RNF213: variants seen among roughly 807,000 people sequenced by gnomAD.
RNF213 encodes ring finger protein 213, also known as E3 ubiquitin-protein ligase RNF213.
A neutral mutation model predicts 514.4 loss-of-function variants in RNF213; 341 were observed. That is an observed-to-expected ratio of 0.66 (90% CI 0.61 to 0.73). The LOEUF is 0.73. Ranked by LOEUF, RNF213 falls within the 30% of genes least tolerant of loss-of-function variation. The probability of loss-of-function intolerance (pLI) is 0.00; values close to 1 mark genes in which losing one functional copy is unlikely to be tolerated. For missense variants in RNF213, 5,767 were observed against 6,615.6 expected (o/e 0.87, Z 4.45); for synonymous variants, 2,655 against 2,658.2 (o/e 1.00, Z 0.04).
At chr17:80,318,863 G>A (rs189487651) in intron 16 of RNF213, among the ~76,000 whole-genome samples, 1,825 of 152,316 alleles carry the variant, frequency 0.012, 20 homozygotes, top group Non-Finnish European at 0.016. Context: ...GTGAGCCACC[G>A]CGCCCGGCCT....
chr17:80,372,504 TGTTC>T lies in RNF213; in HGVS notation c.12538-16_12538-13del, dbSNP rs751345254. The T allele has an allele frequency of 6.9e-6, 11 of 1,589,132 alleles. No homozygotes were observed. The highest frequency in any genetic ancestry group is 9.5e-6 in the Non-Finnish European group (11 of 1,159,042). The stretch of plus-strand genomic sequence containing the variant: ...AAAAAAATAATATCCTTTTCTTTCT[TGTTC>T]CTTGTTCCTCAGGATTCAATACTTG... On this transcript the variant is annotated splice_polypyrimidine_tract_variant and intron_variant, in intron 47 of 67. Coordinates refer to ENST00000582970, the MANE Select transcript of RNF213 (RefSeq NM_001256071.3).
chr17:80,337,766 T>G, intron 24 of RNF213, 40 bp downstream of exon 24: 1 of 1,537,096 alleles, frequency 6.5e-7, no homozygotes, highest in Non-Finnish European at 8.7e-7. Context: ...GCGGCCCTTC[T>G]GCAGGCTGCT....
At chr17:80,268,378 A>AAG (rs1451579086) in intron 2 of RNF213, among the ~76,000 whole-genome samples, 3 of 102,552 alleles carry the variant, frequency 2.9e-5, no homozygotes, top group Non-Finnish European at 6.1e-5. Flanking sequence ...AAAAAAAAAA[A>AAG]AGGCAGTACT....
intron 42 of RNF213, among the ~76,000 whole-genome samples, chr17:80,366,534 C>T (rs79544074): frequency 8.2e-4 from 125 of 152,200 alleles, no homozygotes; most frequent in African/African-American, 2.9e-3. Context: ...GCTGTCTTCT[C>T]TGGAGAAATG....
rs745332162 is a variant in RNF213 at position 80,385,669 on chromosome 17, T to C, written c.14539+48T>C. 2.7e-6 allele frequency: 4 copies of C among 1,505,790 alleles called. No individual in the cohort carries two copies. In the Admixed American group the frequency reaches 6.8e-5, roughly 25 times the overall value. 93.3% of individuals were successfully genotyped at this position (1,505,790 alleles called of 1,614,324 possible). Reference sequence around the variant, plus strand: ...CACTAAGCGTTCCAGGAGAGCCTCGTCTGAAAGCTCTTCTCGTCAGCCTGA... The same window carrying C: ...CACTAAGCGTTCCAGGAGAGCCTCGCCTGAAAGCTCTTCTCGTCAGCCTGA... On this transcript the variant is annotated intron_variant, in intron 61 of 67. Transcript: ENST00000582970.
rs749780384 is a variant in RNF213 at position 80,291,676 on chromosome 17, C to T, written c.1320C>T (p.Ser440=). Residue 440 remains serine (S), a synonymous_variant, in exon 8 of 68, where the codon TCC becomes TCT. Transcript: ENST00000582970. ...TTGTTGAAGGCATTGTCTGCATTTC[C>T]AAGAAGCACCTAGATAAATACATTC... ...RVLVEGIVCI[S]KKHLDKYIPY... 7 of 1,614,068 alleles carry T rather than the reference C, an allele frequency of 4.3e-6. No individual in the cohort carries two copies. The African/African-American group carries it at 8.0e-5, about 18-fold the overall frequency.
chr17:80,349,467 T>C (rs765334870), intron 29 of RNF213, among the ~76,000 whole-genome samples: 14 of 152,208 alleles, frequency 9.2e-5, no homozygotes, highest in Non-Finnish European at 1.8e-4. Context: ...TGCTGAGCCC[T>C]AAGGGATCAT....
In RNF213 at chr17:80,312,691, C is replaced by T. The variant is rs1368642995; in HGVS notation, c.2656-321C>T. ...GCCCCTCTCTGGGGCGTGCTTTTCC[C>T]CCTCAGTCTCCTGGGCACAGCCTGG... On this transcript the variant is annotated intron_variant, in intron 14 of 67. Transcript: ENST00000582970. Among the ~76,000 whole-genome samples the T allele has an allele frequency of 2.0e-5, 3 of 152,354 alleles. No individual in the cohort carries two copies. The East Asian group carries it at 5.8e-4, about 29-fold the overall frequency.
intron 44 of RNF213, among the ~76,000 whole-genome samples, chr17:80,368,679 C>T (rs1453327167): frequency 6.6e-6 from 1 of 152,146 alleles, no homozygotes; most frequent in Non-Finnish European, 1.5e-5. Context: ...GTGATCCACC[C>T]GCCTTGGCCT....
intron 2 of RNF213, among the ~76,000 whole-genome samples, chr17:80,267,760 A>G (rs2043657328): frequency 6.6e-6 from 1 of 152,076 alleles, no homozygotes; most frequent in African/African-American, 2.4e-5. Context: ...AGCTGCAGTA[A>G]GTTCTCCAGA....
In RNF213 at chr17:80,387,088, G is replaced by A. The variant is rs562503946; in HGVS notation, c.14922+197G>A. 1.1e-4 allele frequency among the ~76,000 whole-genome samples: 16 copies of A among 152,350 alleles called. No individual in the cohort carries two copies. In the South Asian group the frequency reaches 3.1e-3, roughly 30 times the overall value. On this transcript the variant is annotated intron_variant, in intron 63 of 67. Coordinates refer to ENST00000582970, the MANE Select transcript of RNF213 (RefSeq NM_001256071.3). Reference sequence around the variant, plus strand: ...GCAGGGCTCTCCTGAGCCCTCTCCTGCAGGGCCATCTGCACCTCAGTCCCC... The same window carrying A: ...GCAGGGCTCTCCTGAGCCCTCTCCTACAGGGCCATCTGCACCTCAGTCCCC...
chr17:80,316,139 C>T (rs1252546538), intron 15 of RNF213: 1 of 152,162 alleles, frequency 6.6e-6, no homozygotes, highest in South Asian at 2.1e-4. Context: ...GTAACCCCAA[C>T]TCTTTAGGAA....
At chr17:80,291,119 A>G (rs1252210899) in intron 7 of RNF213, among the ~76,000 whole-genome samples, 4 of 152,032 alleles carry the variant, frequency 2.6e-5, no homozygotes, top group African/African-American at 7.2e-5. Context: ...GCCTTTAAAT[A>G]ATTTTTATCC....
intron 36 of RNF213, among the ~76,000 whole-genome samples, chr17:80,357,161 C>T (rs1238122220): frequency 1.3e-5 from 2 of 152,158 alleles, no homozygotes; most frequent in African/African-American, 4.8e-5. Flanking sequence ...AGGTGATCCG[C>T]CCGCCTCAGC....
intron 35 of RNF213, 102 bp from the exon 36 acceptor site, chr17:80,354,338 CT>C: frequency 6.3e-7 from 1 of 1,583,958 alleles, no homozygotes; most frequent in Non-Finnish European, 8.6e-7. Context: ...TAGAATTGGC[CT>C]GGCCAACGGA....
chr17:80,265,377 G>C (rs953415490), intron 2 of RNF213, among the ~76,000 whole-genome samples: 1 of 152,164 alleles, frequency 6.6e-6, no homozygotes, highest in African/African-American at 2.4e-5. Context: ...ATAATAGTGC[G>C]GAGAGCACTG....
chr17:80,358,937 T>C lies in RNF213; in HGVS notation c.11054+458T>C, dbSNP rs185611271. ...AAAAAGAATAGGAAGTTTACGAAGC[T>C]CTGAGAAATTTCTGTTTTATCTCCA... is the stretch of plus-strand genomic sequence containing the variant. On this transcript the variant is annotated intron_variant, in intron 37 of 67. Coordinates refer to ENST00000582970, the MANE Select transcript of RNF213 (RefSeq NM_001256071.3). Among the ~76,000 whole-genome samples, 4 of 152,092 alleles carry C rather than the reference T, an allele frequency of 2.6e-5. No individual in the cohort carries two copies. In the East Asian group the frequency reaches 5.8e-4, roughly 22 times the overall value.
In RNF213 at chr17:80,290,597, C is replaced by T. The variant is rs770288764; in HGVS notation, c.1140C>T (p.Thr380=). 2.7e-5 allele frequency: 44 copies of T among 1,613,968 alleles called. No homozygotes were observed. Among genetic ancestry groups the T allele is most frequent in the Non-Finnish European group, 1.7e-5 (20 of 1,180,042 alleles). The change falls in exon 7 of 68, where the codon ACC becomes ACT. Residue 380 remains threonine, a synonymous_variant. Coordinates refer to ENST00000582970, the MANE Select transcript of RNF213 (RefSeq NM_001256071.3). Reference sequence around the variant, plus strand: ...CGCTGAGCCCGGGTGGAGGAGTCACCGTGTTCTTCCACGCCATCATCTCTC... The same window carrying T: ...CGCTGAGCCCGGGTGGAGGAGTCACTGTGTTCTTCCACGCCATCATCTCTC... ...ASTLSPGGGV[T]VFFHAIISLH... is the part of the protein sequence containing the mutation.
intron 25 of RNF213, among the ~76,000 whole-genome samples, chr17:80,338,671 A>T (rs1161198875): frequency 6.6e-6 from 1 of 151,930 alleles, no homozygotes; most frequent in African/African-American, 2.4e-5. Flanking sequence ...TAATTTAAAA[A>T]AATTAAAACA....
Sources: gnomAD v4.1 joint callset for allele counts (sites outside exome capture counted in the v4.1 genomes callset) on GRCh38, gnomAD v4.1.1 for gene constraint, MANE v1.5 for transcripts, NCBI Gene and HGNC (gene_info 2026-07-23, HGNC 2026-07-21) for gene names.